Variants in COL21A1 observed in about 807,000 individuals in gnomAD.
COL21A1 encodes the protein collagen type XXI alpha 1 chain, also known as collagen alpha-1(XXI) chain.
A neutral mutation model predicts 137.9 loss-of-function variants in COL21A1; 149 were observed. That is an observed-to-expected ratio of 1.08 (90% CI 0.95 to 1.24). The LOEUF (loss-of-function observed/expected upper bound fraction) is 1.24. Ranked by LOEUF, COL21A1 falls within the 50% of genes most tolerant of loss-of-function variation. The pLI is 0.00. For missense variants in COL21A1, 1,167 were observed against 1,158.4 expected, an observed-to-expected ratio of 1.01 and a Z score of -0.11; for synonymous variants, 456 against 391.5, an observed-to-expected ratio of 1.16 and a Z score of -1.95.
intron 17 of COL21A1, among the ~76,000 whole-genome samples, chr6:56,082,073 A>T (rs1234364950): frequency 6.6e-6 from 1 of 151,960 alleles, no homozygotes; most frequent in Non-Finnish European, 1.5e-5. Context: ...TAGTCTGAAC[A>T]ATGTTACGTT....
chr6:56,266,922 A>C (rs947967556), intron 1 of COL21A1, among the ~76,000 whole-genome samples: 1 of 152,208 alleles, frequency 6.6e-6, no homozygotes, highest in Admixed American at 6.5e-5. Flanking sequence ...TCACATCTAT[A>C]TATTATTCAC....
intron 21 of COL21A1, among the ~76,000 whole-genome samples, chr6:56,069,564 T>C (rs1216806378): frequency 6.6e-6 from 1 of 150,468 alleles, no homozygotes; most frequent in Non-Finnish European, 1.5e-5. Context: ...TTATTAAAAA[T>C]CTTATAACCC....
intron 12 of COL21A1, among the ~76,000 whole-genome samples, chr6:56,128,472 C>T (rs887012141): frequency 6.6e-6 from 1 of 152,168 alleles, no homozygotes; most frequent in African/African-American, 2.4e-5. Context: ...CTGAACTTCA[C>T]TGTAATGTGG....
At chr6:56,065,534 T>C (rs1766165878) in intron 23 of COL21A1, among the ~76,000 whole-genome samples, 3 of 151,976 alleles carry the variant, frequency 2.0e-5, no homozygotes, top group Non-Finnish European at 4.4e-5. Flanking sequence ...TTGGATATTA[T>C]TGGAACTTAG....
chr6:56,113,991 G>T (rs1290521578), intron 16 of COL21A1, among the ~76,000 whole-genome samples: 1 of 152,160 alleles, frequency 6.6e-6, no homozygotes, highest in Non-Finnish European at 1.5e-5. Flanking sequence ...TGAAAGGAGA[G>T]AAAAAAGTGA....
At chr6:56,137,754 A>C (rs754812725) in intron 12 of COL21A1, among the ~76,000 whole-genome samples, 6 of 131,220 alleles carry the variant, frequency 4.6e-5, no homozygotes, top group Non-Finnish European at 1.0e-4. Flanking sequence ...AAACCAGGAC[A>C]GAAGAGGAAT....
chr6:56,277,439 A>G (rs1012472851), intron 1 of COL21A1, among the ~76,000 whole-genome samples: 1 of 152,194 alleles, frequency 6.6e-6, no homozygotes, highest in African/African-American at 2.4e-5. Context: ...TACTTGAACC[A>G]TTATACATTT....
At chr6:56,256,382 CAG>C (rs2152329925) in intron 1 of COL21A1, among the ~76,000 whole-genome samples, 1 of 152,254 alleles carries the variant, frequency 6.6e-6, no homozygotes, top group East Asian at 1.9e-4. Flanking sequence ...CAAATCCTAA[CAG>C]AATGTATCTT....
chr6:56,097,825 A>G (rs1470996311), intron 17 of COL21A1, among the ~76,000 whole-genome samples: 3 of 52,874 alleles, frequency 5.7e-5, no homozygotes, highest in East Asian at 8.7e-4. Context: ...ATAAATACAT[A>G]TAAATATATA....
chr6:56,392,522 G>T (rs1313447411), intron 1 of COL21A1, among the ~76,000 whole-genome samples: 2 of 152,010 alleles, frequency 1.3e-5, no homozygotes, highest in African/African-American at 4.8e-5. Context: ...CAAAATAAAG[G>T]GCATCCAAAT....
At chr6:56,212,086 G>A (rs976773910) in intron 1 of COL21A1, among the ~76,000 whole-genome samples, 9 of 151,922 alleles carry the variant, frequency 5.9e-5, no homozygotes, top group African/African-American at 1.4e-4. Flanking sequence ...TTCTAAGAAG[G>A]GCAAGCAAGA....
At position 56,095,124 on chromosome 6, in the gene COL21A1, T is replaced by G. The variant is rs116757337; in HGVS notation, c.1812+6348A>C. ...TTATTGAAATTTTATTAATTTCTAT[T>G]TTTACAAGCCTATTATTTTCTAATT... On this transcript the variant is annotated intron_variant, in intron 17 of 29. Transcript: ENST00000244728. 1.2e-3 allele frequency among the ~76,000 whole-genome samples: 190 copies of G among 152,290 alleles called. 4 individuals carry two copies. Among genetic ancestry groups the G allele is most frequent in the African/African-American group, 4.3e-3 (178 of 41,554 alleles).
chr6:56,100,566 C>T (rs558304592), intron 17 of COL21A1, among the ~76,000 whole-genome samples: 6 of 152,176 alleles, frequency 3.9e-5, no homozygotes, highest in Non-Finnish European at 7.4e-5. Context: ...ATATGAGATT[C>T]ATATTTGGCA....
At chr6:56,215,137 A>G (rs1292421554) in intron 1 of COL21A1, among the ~76,000 whole-genome samples, 3 of 152,034 alleles carry the variant, frequency 2.0e-5, no homozygotes. Flanking sequence ...TTTTATTGGC[A>G]TGTCCTTTTA....
chr6:56,129,699 T>TGTGTGTGTGTGTGTGTGTGTGAGA (rs1450514214), intron 12 of COL21A1, among the ~76,000 whole-genome samples: 1 of 120,440 alleles, frequency 8.3e-6, no homozygotes, highest in African/African-American at 3.1e-5. Context: ...TGTGTGTGTG[T>TGTGTGTGTGTGTGTGTGTGTGAGA]GAGAGAGAGA....
chr6:56,247,258 T>G (rs1782706003), intron 1 of COL21A1, 129 bp downstream of exon 1: 1 of 152,204 alleles, frequency 6.6e-6, no homozygotes, highest in South Asian at 2.1e-4. Context: ...ACCAACTGCT[T>G]TGGCGCAGGG....
chr6:56,190,183 G>A (rs1778564490), intron 1 of COL21A1, among the ~76,000 whole-genome samples: 1 of 152,028 alleles, frequency 6.6e-6, no homozygotes, highest in African/African-American at 2.4e-5. Context: ...CAACAAAATA[G>A]ACAGACTGCT....
At chr6:56,280,265 T>C (rs1763759969) in intron 1 of COL21A1, among the ~76,000 whole-genome samples, 1 of 152,236 alleles carries the variant, frequency 6.6e-6, no homozygotes, top group South Asian at 2.1e-4. Context: ...TCAACAAGTA[T>C]TGACTAAGTC....
chr6:56,175,496 T>C (rs772064547), intron 3 of COL21A1, among the ~76,000 whole-genome samples: 2 of 152,002 alleles, frequency 1.3e-5, no homozygotes, highest in Non-Finnish European at 2.9e-5. Flanking sequence ...TTCTATTCAG[T>C]AACAACAATT....
Sources: allele counts gnomAD v4.1 joint callset (sites outside exome capture counted in the v4.1 genomes callset), GRCh38; gene constraint gnomAD v4.1.1; transcripts MANE v1.5; gene names NCBI Gene and HGNC (gene_info 2026-07-23, HGNC 2026-07-21).